The following NR3C2 variants were observed in gnomAD, a reference collection of about 807,000 sequenced individuals.
NR3C2 encodes the protein mineralocorticoid receptor.
Under a neutral mutation model 86.4 loss-of-function variants are expected in NR3C2, and 15 were observed. The ratio of observed to expected loss-of-function variants is 0.17; its 90% confidence interval spans 0.12 to 0.27. The LOEUF is 0.27. Ranked by LOEUF, NR3C2 falls within the 10% of genes least tolerant of loss-of-function variation. NR3C2 has a pLI of 1.00. For synonymous variants in NR3C2, 458 were observed against 450.5 expected, an observed-to-expected ratio of 1.02 and a Z score of -0.21; for missense variants, 960 against 1,195.6, an observed-to-expected ratio of 0.80 and a Z score of 2.91.
At chr4:148,294,678 T>TAAA (rs35649035) in intron 2 of NR3C2, among the ~76,000 whole-genome samples, 1 of 149,810 alleles carries the variant, frequency 6.7e-6, no homozygotes, top group African/African-American at 2.5e-5. Context: ...CTCATTGATA[T>TAAA]AAAAAAAAAA....
chr4:148,268,298 A>C (rs1740502314), intron 2 of NR3C2, among the ~76,000 whole-genome samples: 1 of 152,146 alleles, frequency 6.6e-6, no homozygotes, highest in African/African-American at 2.4e-5. Flanking sequence ...TTTAGCGGGA[A>C]TATTTGAGAG....
chr4:148,412,145 G>A (rs1320506200), intron 2 of NR3C2, among the ~76,000 whole-genome samples: 1 of 152,098 alleles, frequency 6.6e-6, no homozygotes, highest in Non-Finnish European at 1.5e-5. Context: ...CTAATGCCTG[G>A]AAAGCACATC....
chr4:148,277,381 A>T (rs1166147792), intron 2 of NR3C2, among the ~76,000 whole-genome samples: 1 of 152,190 alleles, frequency 6.6e-6, no homozygotes, highest in African/African-American at 2.4e-5. Context: ...AGGCAATATG[A>T]AGTTAAACTA....
In NR3C2 at chr4:148,109,191, G is replaced by A. The variant is rs549554293; in HGVS notation, c.2799+4913C>T. On this transcript the variant is annotated intron_variant, in intron 8 of 8. Transcript: ENST00000358102. The stretch of plus-strand genomic sequence containing the variant: ...CCCTTGGAAGTTTTCCATGACTCCT[G>A]CCCAGCACAGCTCCTCCACTTTCTT... Among the ~76,000 whole-genome samples the A allele has an allele frequency of 3.7e-4, 56 of 152,040 alleles. 1 individual carries two copies. The highest frequency in any genetic ancestry group is 6.3e-4 in the Non-Finnish European group (43 of 68,008).
At chr4:148,101,077 A>G (rs1159781606) in intron 8 of NR3C2, among the ~76,000 whole-genome samples, 1 of 152,228 alleles carries the variant, frequency 6.6e-6, no homozygotes, top group African/African-American at 2.4e-5. Context: ...AGCTCTGGAA[A>G]TTGGTTGCAC....
chr4:148,434,403 G>C (rs1275509183), intron 2 of NR3C2, among the ~76,000 whole-genome samples: 3 of 152,094 alleles, frequency 2.0e-5, no homozygotes, highest in Non-Finnish European at 4.4e-5. Flanking sequence ...ATGTCTTCTT[G>C]CAGATCTGAA....
intron 2 of NR3C2, among the ~76,000 whole-genome samples, chr4:148,282,563 G>A (rs1741302092): frequency 6.6e-6 from 1 of 152,188 alleles, no homozygotes; most frequent in South Asian, 2.1e-4. Flanking sequence ...AACAAGTTGT[G>A]TTAGCAGAAT....
chr4:148,338,969 A>T (rs527344497), intron 2 of NR3C2, among the ~76,000 whole-genome samples: 1 of 152,356 alleles, frequency 6.6e-6, no homozygotes, highest in South Asian at 2.1e-4. Context: ...GAAGAAAAAA[A>T]AATTTAATTT....
chr4:148,081,285 T>C lies in NR3C2; in HGVS notation c.*59A>G, dbSNP rs572418006. 2.5e-6 allele frequency: 4 copies of C among 1,610,820 alleles called. No homozygotes were observed. Among genetic ancestry groups the C allele is most frequent in the Admixed American group, 3.3e-5 (2 of 60,002 alleles). On this transcript the variant is annotated 3_prime_UTR_variant, in exon 9 of 9. Coordinates refer to ENST00000358102, the MANE Select transcript of NR3C2 (RefSeq NM_000901.5). The stretch of plus-strand genomic sequence containing the variant: ...GTTAAAAACAGGTTTTCTTGGGTCC[T>C]TCTGGGTGTGGAACAACACAGGGAA...
At chr4:148,320,905 C>A (rs1335178893) in intron 2 of NR3C2, among the ~76,000 whole-genome samples, 2 of 148,638 alleles carry the variant, frequency 1.3e-5, no homozygotes, top group Non-Finnish European at 3.0e-5. Flanking sequence ...TTAGTTATTT[C>A]TTGCCTTCTG....
intron 2 of NR3C2, among the ~76,000 whole-genome samples, chr4:148,349,679 T>C (rs570444695): frequency 6.6e-6 from 1 of 152,296 alleles, no homozygotes; most frequent in African/African-American, 2.4e-5. Context: ...CTTTCCTTAG[T>C]GTTTATAACA....
chr4:148,132,633 A>G (rs915623213), intron 6 of NR3C2, among the ~76,000 whole-genome samples: 1 of 152,178 alleles, frequency 6.6e-6, no homozygotes, highest in African/African-American at 2.4e-5. Context: ...CAGTTTATAT[A>G]TGGCTTTGAC....
rs1745781583 is a variant in NR3C2, at chr4:148,360,430, T to G, written c.1757+74674A>C. Among the ~76,000 whole-genome samples the G allele has an allele frequency of 2.0e-5, 3 of 152,186 alleles. No individual in the cohort carries two copies. In the South Asian group the frequency reaches 6.2e-4, roughly 31 times the overall value. ...AACTGCCTTCAGTGTGCTCATTACT[T>G]TCCTACTCTATGCTCTGTGTATTAA... On this transcript the variant is annotated intron_variant, in intron 2 of 8. Transcript: ENST00000358102.
chr4:148,337,501 T>C (rs1373708653), intron 2 of NR3C2, among the ~76,000 whole-genome samples: 1 of 152,210 alleles, frequency 6.6e-6, no homozygotes, highest in African/African-American at 2.4e-5. Flanking sequence ...TGCTACAAAG[T>C]TGAAACATAA....
intron 2 of NR3C2, among the ~76,000 whole-genome samples, chr4:148,368,766 T>C (rs895969769): frequency 2.0e-5 from 3 of 152,144 alleles, no homozygotes; most frequent in African/African-American, 7.2e-5. Context: ...AAGGCATAAA[T>C]GAGTATTTAT....
intron 6 of NR3C2, among the ~76,000 whole-genome samples, chr4:148,125,388 T>C (rs1479931270): frequency 1.3e-5 from 2 of 152,238 alleles, no homozygotes; most frequent in Non-Finnish European, 2.9e-5. Flanking sequence ...TTTCAGGTGC[T>C]GGCCTTGTTG....
Position 148,426,547 on chromosome 4 carries a change from C to T in NR3C2, c.1757+8557G>A, listed in dbSNP as rs570695677. ...CTTCTACTGGAAATTCTAAGACTAC[C>T]TGATTCTTCCCTTTGGCATCTATGA... is the stretch of plus-strand genomic sequence containing the variant. On this transcript the variant is annotated intron_variant, in intron 2 of 8. Transcript: ENST00000358102. Among the ~76,000 whole-genome samples the T allele has an allele frequency of 5.3e-5, 8 of 152,286 alleles. No homozygotes were observed. The South Asian group carries it at 1.7e-3, about 32-fold the overall frequency.
At chr4:148,224,829 G>C (rs572281955) in intron 3 of NR3C2, among the ~76,000 whole-genome samples, 4 of 152,232 alleles carry the variant, frequency 2.6e-5, no homozygotes, top group African/African-American at 7.2e-5. Context: ...ATCTGATAAG[G>C]CCTGACTGGA....
intron 3 of NR3C2, among the ~76,000 whole-genome samples, chr4:148,235,485 T>C (rs1738703895): frequency 6.6e-6 from 1 of 152,036 alleles, no homozygotes; most frequent in Admixed American, 6.6e-5. Context: ...TAAAAGCTTT[T>C]CATAAAAATA....
Sources: allele counts gnomAD v4.1 joint callset (sites outside exome capture counted in the v4.1 genomes callset), GRCh38; gene constraint gnomAD v4.1.1; transcripts MANE v1.5; gene names NCBI Gene and HGNC (gene_info 2026-07-23, HGNC 2026-07-21).